Variants in PRR16 observed in about 807,000 individuals in gnomAD.
The protein encoded by PRR16 is protein Largen.
In PRR16, 6 loss-of-function variants were observed where a neutral mutation model predicts 18.2. The observed-to-expected ratio is 0.33, with a 90% CI of 0.18 to 0.65. The LOEUF (loss-of-function observed/expected upper bound fraction) is 0.65, where lower values mean the gene tolerates loss of function less well. Among genes scored for constraint, PRR16 ranks in the 30% least tolerant of loss-of-function variants. The pLI is 0.74. For missense variants in PRR16, 412 were observed against 376.6 expected (o/e 1.09, Z -0.78); for synonymous variants, 151 against 147.8 (o/e 1.02, Z -0.16).
At chr5:120,505,149 C>A (rs1750599247) in intron 1 of PRR16, among the ~76,000 whole-genome samples, 1 of 152,046 alleles carries the variant, frequency 6.6e-6, no homozygotes, top group South Asian at 2.1e-4. Flanking sequence ...TCTCCCTTTC[C>A]AAACACTTTT....
the PRR16 span, chr5:120,790,923 A>G: frequency 3.3e-5 from 5 of 152,206 alleles, no homozygotes; most frequent in Non-Finnish European, 7.4e-5. Flanking sequence ...CAGAATAACA[A>G]TGAAAAAGCA....
chr5:120,731,095 G>A, the PRR16 span, among the ~76,000 whole-genome samples: 2 of 152,074 alleles, frequency 1.3e-5, no homozygotes, highest in African/African-American at 4.8e-5. Context: ...TCCCATTTGT[G>A]AGAAAATTGA....
chr5:120,485,832 A>G (rs551797919), intron 1 of PRR16, among the ~76,000 whole-genome samples: 1 of 152,154 alleles, frequency 6.6e-6, no homozygotes, highest in East Asian at 1.9e-4. Flanking sequence ...CCAGAGTGTG[A>G]TGTTCCCCTT....
chr5:120,637,116 C>CA (rs1367067290), intron 1 of PRR16, among the ~76,000 whole-genome samples: 1 of 151,238 alleles, frequency 6.6e-6, no homozygotes, highest in African/African-American at 2.4e-5. Flanking sequence ...TGGCCATAAT[C>CA]AAAAAATCAA....
chr5:120,568,428 T>C (rs1289764447), intron 1 of PRR16, among the ~76,000 whole-genome samples: 1 of 152,142 alleles, frequency 6.6e-6, no homozygotes, highest in Non-Finnish European at 1.5e-5. Flanking sequence ...ATGAGATATT[T>C]ATGGGAAAGA....
intron 1 of PRR16, among the ~76,000 whole-genome samples, chr5:120,494,686 TA>T (rs897523425): frequency 3.9e-5 from 6 of 152,144 alleles, no homozygotes; most frequent in African/African-American, 1.4e-4. Context: ...AACCTAGCCC[TA>T]AATTCTGAAG....
Position 120,686,145 on chromosome 5 carries a change from G to A in PRR16, c.351G>A (p.Leu117=). 1 of 1,614,158 alleles carries A rather than the reference G, an allele frequency of 6.2e-7. No individual in the cohort carries two copies. Among genetic ancestry groups the A allele is most frequent in the Non-Finnish European group, 8.5e-7 (1 of 1,180,024 alleles). ...PAHPSAILTV[L]RKPNPPPPPP... Reference sequence around the variant, plus strand: ...ACCCGTCTGCTATCCTCACGGTCCTGAGAAAGCCAAACCCTCCACCACCTC... The same window carrying A: ...ACCCGTCTGCTATCCTCACGGTCCTAAGAAAGCCAAACCCTCCACCACCTC... Residue 117 remains leucine (L), a synonymous_variant, in exon 2 of 2, where the codon CTG becomes CTA. Coordinates refer to ENST00000407149, the MANE Select transcript of PRR16 (RefSeq NM_001300783.2).
At chr5:120,674,621 C>G (rs963376217) in intron 1 of PRR16, among the ~76,000 whole-genome samples, 1 of 152,024 alleles carries the variant, frequency 6.6e-6, no homozygotes, top group Non-Finnish European at 1.5e-5. Context: ...CATTCATTCT[C>G]ATCAGCACTC....
At chr5:120,526,385 T>C (rs10057769) in intron 1 of PRR16, among the ~76,000 whole-genome samples, 30,049 of 152,148 alleles carry the variant, frequency 0.2, 3,177 homozygotes, top group African/African-American at 0.27. Flanking sequence ...ATTTATGTTA[T>C]TTAAATATAA....
the PRR16 span, among the ~76,000 whole-genome samples, chr5:120,744,140 G>A: frequency 7.2e-5 from 11 of 151,862 alleles, no homozygotes; most frequent in Non-Finnish European, 1.5e-4. Context: ...CAACCAGCAA[G>A]CAGACAGGAG....
At chr5:120,780,497 G>C in the PRR16 span, among the ~76,000 whole-genome samples, 83 of 152,226 alleles carry the variant, frequency 5.5e-4, no homozygotes, top group South Asian at 2.7e-3. Context: ...GGATCTAAGA[G>C]ACGGAAAAAC....
the PRR16 span, among the ~76,000 whole-genome samples, chr5:120,767,805 C>T: frequency 6.6e-6 from 1 of 151,718 alleles, no homozygotes. Context: ...ACAAGGTTCT[C>T]ACTATATCTC....
the PRR16 span, among the ~76,000 whole-genome samples, chr5:120,732,760 T>C: frequency 2.6e-5 from 4 of 152,170 alleles, no homozygotes. Flanking sequence ...TAGACCAGTA[T>C]TTCTGTTTGC....
intron 1 of PRR16, among the ~76,000 whole-genome samples, chr5:120,612,368 G>A (rs1368846313): frequency 4.6e-5 from 7 of 152,084 alleles, no homozygotes; most frequent in Non-Finnish European, 8.8e-5. Context: ...AGGGGCCAGG[G>A]GTGGAATGAT....
the PRR16 span, among the ~76,000 whole-genome samples, chr5:120,700,538 T>C: frequency 6.6e-6 from 1 of 152,020 alleles, no homozygotes; most frequent in African/African-American, 2.4e-5. Flanking sequence ...GGGAAGCAGA[T>C]AATTTAGTTA....
At chr5:120,668,277 C>G (rs1355217418) in intron 1 of PRR16, among the ~76,000 whole-genome samples, 1 of 150,978 alleles carries the variant, frequency 6.6e-6, no homozygotes, top group Admixed American at 6.6e-5. Context: ...GGATTGCAAC[C>G]CCTGCCTTTT....
chr5:120,686,240 C>A lies in PRR16; in HGVS notation c.446C>A (p.Thr149Asn). 6.2e-7 allele frequency: 1 copy of A among 1,614,070 alleles called. No homozygotes were observed. Among genetic ancestry groups the A allele is most frequent in the Non-Finnish European group, 8.5e-7 (1 of 1,180,024 alleles). Reference sequence around the variant, plus strand: ...GTTCCAACTGCCAATCCTGTAAAAACCAATGGCACCCTTCTACGAAATGGA... The same window carrying A: ...GTTCCAACTGCCAATCCTGTAAAAAACAATGGCACCCTTCTACGAAATGGA... Reference protein sequence around the residue: ...RVVPTANPVKTNGTLLRNGGL... With the variant: ...RVVPTANPVKNNGTLLRNGGL... Residue 149 changes from threonine to asparagine, a missense_variant, in exon 2 of 2, where the codon ACC (threonine) becomes AAC (asparagine). Coordinates refer to ENST00000407149, the MANE Select transcript of PRR16 (RefSeq NM_001300783.2).
At chr5:120,471,072 T>C (rs1749252793) in intron 1 of PRR16, among the ~76,000 whole-genome samples, 1 of 152,168 alleles carries the variant, frequency 6.6e-6, no homozygotes, top group Non-Finnish European at 1.5e-5. Flanking sequence ...TAATAAACCA[T>C]TTCATTATTT....
chr5:120,751,558 A>G, the PRR16 span, among the ~76,000 whole-genome samples: 394 of 151,924 alleles, frequency 2.6e-3, 6 homozygotes, highest in African/African-American at 9.0e-3. Flanking sequence ...TTTTAATTTT[A>G]GCTTTACAGT....
Sources: gnomAD v4.1 joint callset for allele counts (sites outside exome capture counted in the v4.1 genomes callset) on GRCh38, gnomAD v4.1.1 for gene constraint, MANE v1.5 for transcripts, NCBI Gene and HGNC (gene_info 2026-07-23, HGNC 2026-07-21) for gene names.